TERT: variants seen among roughly 807,000 people sequenced by gnomAD.
TERT encodes telomerase reverse transcriptase, also known as telomerase catalytic subunit.
In TERT, 42 loss-of-function variants were observed where a neutral mutation model predicts 104.0. The ratio of observed to expected loss-of-function variants is 0.40; its 90% CI spans 0.32 to 0.52. The LOEUF (loss-of-function observed/expected upper bound fraction) is 0.52. Ranked by LOEUF, TERT falls within the 20% of genes least tolerant of loss-of-function variation. The pLI is 0.43. For missense variants in TERT, 1,101 were observed against 1,610.3 expected, an observed-to-expected ratio of 0.68 and a Z score of 5.41; for synonymous variants, 781 against 725.6, an observed-to-expected ratio of 1.08 and a Z score of -1.23.
At chr5:1,278,254 G>C (rs1005764736) in intron 6 of TERT, among the ~76,000 whole-genome samples, 2 of 152,178 alleles carry the variant, frequency 1.3e-5, no homozygotes, top group Non-Finnish European at 2.9e-5. Flanking sequence ...ATGCCTGGAG[G>C]AGGAAGGAGT....
At chr5:1,293,266 G>A (rs1167008607) in intron 2 of TERT, 47 bp downstream of exon 2, 1 of 1,606,948 alleles carries the variant, frequency 6.2e-7, no homozygotes, top group Middle Eastern at 1.7e-4. Context: ...AGCCCCTACT[G>A]CATTCAGCTC....
In TERT at chr5:1,265,230, C is replaced by T. The variant is rs895530369; in HGVS notation, c.2655-638G>A. ...GTAGCCTCTGCTCTGGCCTGGGCAT[C>T]CCCTTCCCTTCCTGCGGCCTCTGCT... On this transcript the variant is annotated intron_variant, in intron 10 of 15. Coordinates refer to ENST00000310581, the MANE Select transcript of TERT (RefSeq NM_198253.3). The surrounding 1 kb of genome is among the most constrained non-coding windows in gnomAD (Gnocchi z 6.9). Among the ~76,000 whole-genome samples the T allele has an allele frequency of 1.3e-5, 2 of 152,142 alleles. No individual in the cohort carries two copies. Among genetic ancestry groups the T allele is most frequent in the African/African-American group, 2.4e-5 (1 of 41,428 alleles).
rs1197189293 is a variant in TERT at position 1,269,155 on chromosome 5, C to T, written c.2469-522G>A. Among the ~76,000 whole-genome samples, 3 of 152,126 alleles carry T rather than the reference C, an allele frequency of 2.0e-5. No individual in the cohort carries two copies. The highest frequency in any genetic ancestry group is 1.3e-4 in the Admixed American group (2 of 15,278). On this transcript the variant is annotated intron_variant, in intron 8 of 15. Transcript: ENST00000310581. This position sits in a 1 kb window ranked among gnomAD's most constrained non-coding sequence, Gnocchi z 9.0. The stretch of plus-strand genomic sequence containing the variant: ...ACAAACAGTGAGAGCAGAATAGCCC[C>T]GTGGAACCTAAAGGTGCACACAGAA...
intron 12 of TERT, among the ~76,000 whole-genome samples, chr5:1,259,908 AGG>A (rs199582461): frequency 2.2e-3 from 314 of 143,206 alleles, no homozygotes; most frequent in South Asian, 5.6e-3. Context: ...CCCACAGGAG[AGG>A]GAGTGGATGC....
Position 1,287,237 on chromosome 5 carries a change from A to G in TERT, c.1574-4613T>C, listed in dbSNP as rs1329799081. ...AAAATTAGGCCAGACATGGTGGCTCATGCCTGTAATTCAGCACTTTGGGAA... is the reference window on the plus strand; with the variant it reads ...AAAATTAGGCCAGACATGGTGGCTCGTGCCTGTAATTCAGCACTTTGGGAA... On this transcript the variant is annotated intron_variant, in intron 2 of 15. Coordinates refer to ENST00000310581, the MANE Select transcript of TERT (RefSeq NM_198253.3). The surrounding 1 kb of genome is among the most constrained non-coding windows in gnomAD (Gnocchi z 4.3). Among the ~76,000 whole-genome samples the G allele has an allele frequency of 6.6e-6, 1 of 152,154 alleles. No homozygotes were observed. Among genetic ancestry groups the G allele is most frequent in the Non-Finnish European group, 1.5e-5 (1 of 68,022 alleles).
chr5:1,287,082 G>A lies in TERT; in HGVS notation c.1574-4458C>T, dbSNP rs1181097884. 2.0e-5 allele frequency among the ~76,000 whole-genome samples: 3 copies of A among 152,042 alleles called. No individual in the cohort carries two copies. Among genetic ancestry groups the A allele is most frequent in the Non-Finnish European group, 4.4e-5 (3 of 68,020 alleles). On this transcript the variant is annotated intron_variant, in intron 2 of 15. Coordinates refer to ENST00000310581, the MANE Select transcript of TERT (RefSeq NM_198253.3). This position sits in a 1 kb window ranked among gnomAD's most constrained non-coding sequence, Gnocchi z 4.3. ...GTGGAGAATCAGAGTGCACCAGGCG[G>A]GTCTCTAGTGACAAAAAAATGAAAA...
At position 1,282,348 on chromosome 5, in the gene TERT, A is replaced by G. The variant is rs544123024; in HGVS notation, c.1769+81T>C. ...GCTGCACAGCCAGGGAAGCACAGGC[A>G]AGTGGAGACAGGCGCATGCTGAGGC... On this transcript the variant is annotated intron_variant, in intron 3 of 15. Coordinates refer to ENST00000310581, the MANE Select transcript of TERT (RefSeq NM_198253.3). 200 of 1,461,564 alleles carry G rather than the reference A, an allele frequency of 1.4e-4. 1 individual carries two copies. Among genetic ancestry groups the G allele is most frequent in the African/African-American group, 4.2e-5 (3 of 71,854 alleles). 90.5% of individuals were successfully genotyped at this position (1,461,564 alleles called of 1,614,324 possible). A position where few individuals can be genotyped will look rare whatever the true frequency, so the allele number is the denominator to read the frequency against.
intron 3 of TERT, 54 bp from the exon 4 acceptor site, chr5:1,280,392 G>A: frequency 6.3e-7 from 1 of 1,578,264 alleles, no homozygotes; most frequent in Non-Finnish European, 8.6e-7. Flanking sequence ...AGACTAGGGG[G>A]AAGCTCACGG....
At chr5:1,280,992 C>T (rs990312643) in intron 3 of TERT, among the ~76,000 whole-genome samples, 3 of 152,200 alleles carry the variant, frequency 2.0e-5, no homozygotes, top group African/African-American at 4.8e-5. Context: ...GTGCCCTGAC[C>T]GCAGGCCGCA....
intron 15 of TERT, 78 bp from the exon 16 acceptor site, chr5:1,253,909 G>A: frequency 1.4e-6 from 2 of 1,478,332 alleles, no homozygotes; most frequent in Non-Finnish European, 1.9e-6. Flanking sequence ...CGTGTGGGTG[G>A]CCGGGCAGGC....
intron 9 of TERT, among the ~76,000 whole-genome samples, chr5:1,267,349 T>A (rs1748681494): frequency 6.6e-6 from 1 of 152,214 alleles, no homozygotes; most frequent in African/African-American, 2.4e-5. Flanking sequence ...GCTGTCCACA[T>A]CCTCTCCAGC....
Position 1,288,961 on chromosome 5 carries a change from G to A in TERT, c.1573+4352C>T, listed in dbSNP as rs985777347. Among the ~76,000 whole-genome samples the A allele has an allele frequency of 1.3e-5, 2 of 152,168 alleles. No individual in the cohort carries two copies. Among genetic ancestry groups the A allele is most frequent in the Non-Finnish European group, 2.9e-5 (2 of 68,018 alleles). The stretch of plus-strand genomic sequence containing the variant: ...CCGAGCATCAGAAAAGATAGGCTTG[G>A]GGACCAGCACTGCGCCTGCACCATC... On this transcript the variant is annotated intron_variant, in intron 2 of 15. Coordinates refer to ENST00000310581, the MANE Select transcript of TERT (RefSeq NM_198253.3). This position sits in a 1 kb window ranked among gnomAD's most constrained non-coding sequence, Gnocchi z 5.3.
Position 1,294,077 on chromosome 5 carries a change from A to G in TERT, c.809T>C (p.Phe270Ser). Residue 270 changes from phenylalanine (F) to serine (S), a missense_variant, in exon 2 of 16, where the codon TTC becomes TCC. Physicochemically the swap from Phe to Ser is radical, Grantham distance 155 (BLOSUM62 -2). Coordinates refer to ENST00000310581, the MANE Select transcript of TERT (RefSeq NM_198253.3). Reference sequence around the variant, plus strand: ...GGGTCTGGCAGGTGACACCACACAGAAACCACGGTCACTCGGTCCACGCGT... The same window carrying G: ...GGGTCTGGCAGGTGACACCACACAGGAACCACGGTCACTCGGTCCACGCGT... ...GRTRGPSDRGFCVVSPARPAE... is the reference protein window; with the variant it reads ...GRTRGPSDRGSCVVSPARPAE... 1 of 1,591,950 alleles carries G rather than the reference A, an allele frequency of 6.3e-7. No homozygotes were observed. Among genetic ancestry groups the G allele is most frequent in the Non-Finnish European group, 8.5e-7 (1 of 1,171,708 alleles).
intron 6 of TERT, among the ~76,000 whole-genome samples, chr5:1,277,613 G>C (rs1299410362): frequency 6.8e-6 from 1 of 146,958 alleles, no homozygotes; most frequent in South Asian, 2.2e-4. Context: ...TGTGGGGGGG[G>C]GTCTCCTGGG....
chr5:1,294,212 C>T lies in TERT; in HGVS notation c.674G>A (p.Gly225Glu), dbSNP rs1751218682. 1 of 1,582,452 alleles carries T rather than the reference C, an allele frequency of 6.3e-7. No homozygotes were observed. Among genetic ancestry groups the T allele is most frequent in the African/African-American group, 1.3e-5 (1 of 74,508 alleles). ...GLPAPGARRRGGSASRSLPLP... is the reference protein window; with the variant it reads ...GLPAPGARRREGSASRSLPLP... Reference sequence around the variant, plus strand: ...CGGCAGACTTCGGCTGGCACTGCCCCCGCGCCTCCTCGCACCCGGGGCTGG... The same window carrying T: ...CGGCAGACTTCGGCTGGCACTGCCCTCGCGCCTCCTCGCACCCGGGGCTGG... Residue 225 changes from glycine (G) to glutamate (E), a missense_variant, in exon 2 of 16, where the codon GGG becomes GAG. By Grantham distance (98) the Gly-to-Glu change is moderately conservative (BLOSUM62 -2). Around this residue, in one of 5 missense-constraint regions of TERT, gnomAD observed 504 missense variants for 544.6 expected, o/e 0.93. Transcript: ENST00000310581.
intron 3 of TERT, among the ~76,000 whole-genome samples, chr5:1,280,791 G>C (rs573497219): frequency 1.8e-4 from 28 of 152,070 alleles, no homozygotes; most frequent in Middle Eastern, 6.8e-3. Flanking sequence ...GGCTGCTCAG[G>C]GCAGCTCAGC....
At chr5:1,272,363 T>C in intron 6 of TERT, 83 bp from the exon 7 acceptor site, 2 of 1,231,930 alleles carry the variant, frequency 1.6e-6, no homozygotes, top group Admixed American at 1.9e-5. Flanking sequence ...GATCAGGACG[T>C]GTGGACCTGC....
chr5:1,259,571 A>ATG (rs1748044677), intron 12 of TERT, among the ~76,000 whole-genome samples: 1 of 114,546 alleles, frequency 8.7e-6, no homozygotes, highest in African/African-American at 3.4e-5. Context: ...GAGTGGACGC[A>ATG]GATGCCCACA....
chr5:1,294,659 C>G lies in TERT; in HGVS notation c.227G>C (p.Cys76Ser), dbSNP rs1192287561. 1 of 1,594,950 alleles carries G rather than the reference C, an allele frequency of 6.3e-7. No homozygotes were observed. The highest frequency in any genetic ancestry group is 1.7e-5 in the Admixed American group (1 of 59,718). ...CACTCGGGCCACCAGCTCCTTCAGGCAGGACACCTGCGGGGGAAGCGCCCT... is the reference window on the plus strand; with the variant it reads ...CACTCGGGCCACCAGCTCCTTCAGGGAGGACACCTGCGGGGGAAGCGCCCT... The part of the protein sequence containing the change: ...PAAPSFRQVS[C>S]LKELVARVLQ... The change falls in exon 2 of 16, where the codon TGC becomes TCC. Residue 76 changes from cysteine (C) to serine (S), a missense_variant. By Grantham distance (112) the Cys-to-Ser change is moderately radical (BLOSUM62 -1). Transcript: ENST00000310581.
Sources: allele counts gnomAD v4.1 joint callset (sites outside exome capture counted in the v4.1 genomes callset), GRCh38; gene constraint gnomAD v4.1.1; regional missense constraint gnomAD v4.1.1; non-coding constraint Gnocchi (gnomAD v3.1); transcripts MANE v1.5; gene names NCBI Gene and HGNC (gene_info 2026-07-23, HGNC 2026-07-21).